Variants in COL5A2 observed in about 807,000 individuals in gnomAD.
COL5A2 encodes the protein collagen alpha-2(V) chain.
Under a neutral mutation model 208.2 loss-of-function variants are expected in COL5A2, and 23 were observed. The ratio of observed to expected loss-of-function variants is 0.11; its 90% CI spans 0.08 to 0.16. COL5A2 has a LOEUF of 0.16. COL5A2 is among the 10% of genes least tolerant of loss of function. The pLI is 1.00. For missense variants in COL5A2, 1,590 were observed against 1,956.4 expected (o/e 0.81, Z 3.53); for synonymous variants, 625 against 628.5 (o/e 0.99, Z 0.08).
At chr2:189,257,732 G>A in the COL5A2 span, among the ~76,000 whole-genome samples, 1,199 of 152,278 alleles carry the variant, frequency 7.9e-3, 23 homozygotes, top group African/African-American at 0.027. Context: ...AATTACTACA[G>A]AATATAGTAA....
the COL5A2 span, among the ~76,000 whole-genome samples, chr2:189,375,194 T>A: frequency 6.6e-6 from 1 of 151,962 alleles, no homozygotes; most frequent in Non-Finnish European, 1.5e-5. Flanking sequence ...TTTTTTTGTA[T>A]TTTTAGTAGA....
the COL5A2 span, among the ~76,000 whole-genome samples, chr2:189,380,959 G>A: frequency 6.6e-6 from 1 of 151,956 alleles, no homozygotes; most frequent in Admixed American, 6.6e-5. Context: ...ACAAGGAACT[G>A]AAGAATGAAG....
chr2:189,132,885 C>T (rs186997301), intron 1 of COL5A2, among the ~76,000 whole-genome samples: 1 of 151,834 alleles, frequency 6.6e-6, no homozygotes, highest in Admixed American at 6.6e-5. Flanking sequence ...CGCACCACTG[C>T]ACTCCAGCCT....
the COL5A2 span, among the ~76,000 whole-genome samples, chr2:189,277,981 G>T: frequency 6.6e-6 from 1 of 151,978 alleles, no homozygotes; most frequent in Non-Finnish European, 1.5e-5. Flanking sequence ...AGTATAAAAG[G>T]TTTTTTTCTA....
the COL5A2 span, among the ~76,000 whole-genome samples, chr2:189,345,564 T>C: frequency 6.6e-6 from 1 of 152,082 alleles, no homozygotes; most frequent in South Asian, 2.1e-4. Flanking sequence ...GGAGGATAAC[T>C]TATTAGATAA....
rs1043034369 is a variant in COL5A2, at chr2:189,066,802, A to G, written c.1402-20T>C. 2 of 1,600,116 alleles carry G rather than the reference A, an allele frequency of 1.2e-6. No individual in the cohort carries two copies. Among genetic ancestry groups the G allele is most frequent in the Non-Finnish European group, 1.7e-6 (2 of 1,167,436 alleles). On this transcript the variant is annotated intron_variant, in intron 21 of 53. Transcript: ENST00000374866. ...ATCACCCTGAAAAAAATATATTGAT[A>G]TTTGTAAGAACCAGGACATTTAGCT...
the COL5A2 span, among the ~76,000 whole-genome samples, chr2:189,408,926 G>A: frequency 1.3e-5 from 2 of 152,132 alleles, no homozygotes; most frequent in African/African-American, 4.8e-5. Flanking sequence ...AATGGAATAG[G>A]TAGTGTGTCC....
the COL5A2 span, among the ~76,000 whole-genome samples, chr2:189,308,926 C>A: frequency 6.6e-6 from 1 of 152,158 alleles, no homozygotes; most frequent in South Asian, 2.1e-4. Context: ...GACTGTGTCA[C>A]GGGCCACTGC....
At chr2:189,344,507 T>A in the COL5A2 span, among the ~76,000 whole-genome samples, 7 of 152,152 alleles carry the variant, frequency 4.6e-5, no homozygotes, top group African/African-American at 1.7e-4. Flanking sequence ...GGAAGTATAC[T>A]GACACACACA....
chr2:189,388,984 G>A, the COL5A2 span, among the ~76,000 whole-genome samples: 1 of 152,152 alleles, frequency 6.6e-6, no homozygotes, highest in Non-Finnish European at 1.5e-5. Flanking sequence ...TCGCAAGCAA[G>A]CTATATTGAA....
chr2:189,229,095 GC>G (rs1214120500), upstream of COL5A2, among the ~76,000 whole-genome samples: 1 of 151,684 alleles, frequency 6.6e-6, no homozygotes, highest in Admixed American at 6.6e-5. Context: ...AAAGTATTTG[GC>G]AAAAGTCAAT....
intron 1 of COL5A2, among the ~76,000 whole-genome samples, chr2:189,139,561 A>G (rs898694483): frequency 6.6e-6 from 1 of 152,174 alleles, no homozygotes; most frequent in Non-Finnish European, 1.5e-5. Context: ...CCTGTGAGGG[A>G]TCCTGGAACA....
At chr2:189,231,071 T>C in the COL5A2 span, among the ~76,000 whole-genome samples, 2 of 151,842 alleles carry the variant, frequency 1.3e-5, no homozygotes, top group East Asian at 3.9e-4. Context: ...AATAAGCCAG[T>C]CAGAGAGGAA....
chr2:189,052,413 G>T (rs1370848318), intron 40 of COL5A2, among the ~76,000 whole-genome samples, 188 bp from the exon 41 acceptor site: 1 of 152,044 alleles, frequency 6.6e-6, no homozygotes, highest in East Asian at 1.9e-4. Flanking sequence ...GGTAGGAAGG[G>T]CACTATTTTC....
At chr2:189,079,543 C>T (rs1238333959) in intron 14 of COL5A2, among the ~76,000 whole-genome samples, 2 of 152,128 alleles carry the variant, frequency 1.3e-5, no homozygotes, top group Admixed American at 1.3e-4. Flanking sequence ...TTCCTTTATA[C>T]TTCCTTGATG....
At chr2:189,186,546 A>T (rs916391054) in intron 1 of COL5A2, among the ~76,000 whole-genome samples, 1 of 152,218 alleles carries the variant, frequency 6.6e-6, no homozygotes, top group Non-Finnish European at 1.5e-5. Context: ...GAGGCTAATA[A>T]AAAAACTAAT....
chr2:189,259,931 G>T, the COL5A2 span, among the ~76,000 whole-genome samples: 1 of 152,056 alleles, frequency 6.6e-6, no homozygotes, highest in Non-Finnish European at 1.5e-5. Flanking sequence ...GAGGTCCCAG[G>T]TACTACACAG....
At chr2:189,351,543 G>T in the COL5A2 span, among the ~76,000 whole-genome samples, 1 of 152,108 alleles carries the variant, frequency 6.6e-6, no homozygotes, top group African/African-American at 2.4e-5. Flanking sequence ...ATATGTGTGG[G>T]TGTGTATGTG....
At chr2:189,222,757 G>C (rs948242760) in intron 1 of COL5A2, among the ~76,000 whole-genome samples, 3 of 152,158 alleles carry the variant, frequency 2.0e-5, no homozygotes, top group African/African-American at 7.2e-5. Context: ...AGTTGTGTTT[G>C]TAGTTTAGGA....
Sources: gnomAD v4.1 joint callset for allele counts (sites outside exome capture counted in the v4.1 genomes callset) on GRCh38, gnomAD v4.1.1 for gene constraint, MANE v1.5 for transcripts, NCBI Gene and HGNC (gene_info 2026-07-23, HGNC 2026-07-21) for gene names.